Variants in FRMD3 observed in about 807,000 individuals in gnomAD.
The protein encoded by FRMD3 is FERM domain containing 3.
A neutral mutation model predicts 70.2 loss-of-function variants in FRMD3; 33 were observed. The observed-to-expected ratio is 0.47, with a 90% CI of 0.36 to 0.63. FRMD3 has a LOEUF of 0.63. Ranked by LOEUF, FRMD3 falls within the 20% of genes least tolerant of loss-of-function variation. The probability of loss-of-function intolerance (pLI) is 0.00; values close to 1 mark genes in which losing one functional copy is unlikely to be tolerated. For synonymous variants in FRMD3, 279 were observed against 255.9 expected (o/e 1.09, Z -0.86); for missense variants, 632 against 711.4 (o/e 0.89, Z 1.27).
intron 1 of FRMD3, among the ~76,000 whole-genome samples, chr9:83,409,103 T>C (rs1164133766): frequency 6.6e-6 from 1 of 152,166 alleles, no homozygotes; most frequent in Non-Finnish European, 1.5e-5. Flanking sequence ...GCAAAGGTTG[T>C]CCATCCCCAG....
At chr9:83,311,632 G>T (rs1175359413) in intron 8 of FRMD3, among the ~76,000 whole-genome samples, 1 of 152,052 alleles carries the variant, frequency 6.6e-6, no homozygotes, top group African/African-American at 2.4e-5. Flanking sequence ...AGAAGCTACT[G>T]GTGAGGAAAC....
intron 1 of FRMD3, among the ~76,000 whole-genome samples, chr9:83,431,071 C>T (rs577552497): frequency 6.6e-6 from 1 of 152,350 alleles, no homozygotes; most frequent in East Asian, 1.9e-4. Context: ...CTGAGCAAAA[C>T]ATCCTTTTAG....
chr9:83,474,320 T>A (rs1422899245), intron 1 of FRMD3, among the ~76,000 whole-genome samples: 1 of 152,248 alleles, frequency 6.6e-6, no homozygotes, highest in East Asian at 1.9e-4. Flanking sequence ...TTATTGTCTC[T>A]ATCATTTATT....
Position 83,443,590 on chromosome 9 carries a change from G to A in FRMD3, c.148-53882C>T, listed in dbSNP as rs138319724. On this transcript the variant is annotated intron_variant, in intron 1 of 13. Transcript: ENST00000304195. ...AGTCTTTGCTATTGTGAATAGTGCC[G>A]CAATAAACATACATGTGCATGTGTC... Among the ~76,000 whole-genome samples the A allele has an allele frequency of 3.5e-3, 529 of 152,232 alleles. 1 individual carries two copies. Among genetic ancestry groups the A allele is most frequent in the African/African-American group, 8.5e-3 (355 of 41,554 alleles).
At chr9:83,342,919 T>C (rs1189533682) in intron 5 of FRMD3, among the ~76,000 whole-genome samples, 1 of 152,160 alleles carries the variant, frequency 6.6e-6, no homozygotes, top group East Asian at 1.9e-4. Context: ...TCCAGCCCCT[T>C]TGAAAGAGAG....
At chr9:83,550,621 C>G in the FRMD3 span, among the ~76,000 whole-genome samples, 1 of 151,210 alleles carries the variant, frequency 6.6e-6, no homozygotes, top group South Asian at 2.1e-4. Flanking sequence ...CTGATTACTT[C>G]GAGCAGTGTT....
chr9:83,293,242 G>T (rs1294152180), intron 12 of FRMD3, among the ~76,000 whole-genome samples: 3 of 152,056 alleles, frequency 2.0e-5, no homozygotes, highest in Non-Finnish European at 2.9e-5. Context: ...TATTGTGAAG[G>T]GTTCTCAGTT....
intron 6 of FRMD3, among the ~76,000 whole-genome samples, chr9:83,334,617 C>A (rs1823515120): frequency 2.1e-5 from 3 of 142,326 alleles, no homozygotes; most frequent in Non-Finnish European, 1.6e-5. Flanking sequence ...TTGCTATTAC[C>A]AAAATGATTT....
At chr9:83,336,257 C>T (rs1337200717) in intron 5 of FRMD3, among the ~76,000 whole-genome samples, 1 of 151,998 alleles carries the variant, frequency 6.6e-6, no homozygotes, top group African/African-American at 2.4e-5. Context: ...TTTAGCCATT[C>T]CACAATGCAT....
At chr9:83,303,407 T>C (rs2131025023) in intron 10 of FRMD3, among the ~76,000 whole-genome samples, 1 of 152,278 alleles carries the variant, frequency 6.6e-6, no homozygotes, top group Admixed American at 6.5e-5. Flanking sequence ...TTTCAGTATT[T>C]AAAAAATCAT....
the FRMD3 span, among the ~76,000 whole-genome samples, chr9:83,568,570 T>C: frequency 5.8e-4 from 88 of 152,164 alleles, no homozygotes; most frequent in African/African-American, 2.1e-3. Context: ...ATCTTACTCA[T>C]GTGTGGAATC....
chr9:83,360,275 T>C (rs190745782), intron 3 of FRMD3, among the ~76,000 whole-genome samples: 77 of 152,284 alleles, frequency 5.1e-4, no homozygotes, highest in Admixed American at 2.4e-3. Flanking sequence ...TATGTAGAAA[T>C]AACAACTGTA....
At chr9:83,513,729 G>A (rs1263255786) in intron 1 of FRMD3, among the ~76,000 whole-genome samples, 2 of 152,190 alleles carry the variant, frequency 1.3e-5, no homozygotes, top group Admixed American at 6.5e-5. Context: ...CAACACAGAG[G>A]GTGGGTGATT....
intron 1 of FRMD3, among the ~76,000 whole-genome samples, chr9:83,416,771 C>G (rs910491454): frequency 1.4e-4 from 18 of 125,868 alleles, no homozygotes; most frequent in African/African-American, 6.0e-4. Context: ...CTCTCTCTCT[C>G]TCTCTCTCTC....
At chr9:83,462,718 G>A (rs1389074423) in intron 1 of FRMD3, among the ~76,000 whole-genome samples, 7 of 152,154 alleles carry the variant, frequency 4.6e-5, no homozygotes, top group African/African-American at 1.7e-4. Context: ...AGGAAGAGCT[G>A]CCATCTTCCA....
the FRMD3 span, among the ~76,000 whole-genome samples, chr9:83,569,220 C>T: frequency 4.6e-5 from 7 of 152,114 alleles, no homozygotes; most frequent in Admixed American, 1.3e-4. Context: ...TGCTCAGGTA[C>T]GATACTCTGC....
chr9:83,538,056 C>T lies in FRMD3; in HGVS notation c.147+29G>A, dbSNP rs1324669120. On this transcript the variant is annotated intron_variant, in intron 1 of 13. Coordinates refer to ENST00000304195, the MANE Select transcript of FRMD3 (RefSeq NM_174938.6). The surrounding 1 kb of genome is among the most constrained non-coding windows in gnomAD (Gnocchi z 4.7). ...CCCCCGCCCTGCTCCCGGCGTGTGC[C>T]CCGCGCCCTCGCCCGGTTCCACGCG... 2.5e-6 allele frequency: 4 copies of T among 1,607,994 alleles called. No homozygotes were observed. The highest frequency in any genetic ancestry group is 3.3e-5 in the Admixed American group (2 of 59,738).
At chr9:83,348,205 G>A (rs772970417) in intron 4 of FRMD3, among the ~76,000 whole-genome samples, 34 of 152,124 alleles carry the variant, frequency 2.2e-4, no homozygotes, top group Non-Finnish European at 5.9e-5. Context: ...AGCACCCTGA[G>A]GGCAGGAAAA....
At chr9:83,374,858 T>G in intron 2 of FRMD3, among the ~76,000 whole-genome samples, 2 of 152,142 alleles carry the variant, frequency 1.3e-5, no homozygotes, top group Non-Finnish European at 2.9e-5. Context: ...TTTCTAGAAA[T>G]AAATAAATAG....
Sources: gnomAD v4.1 joint callset for allele counts (sites outside exome capture counted in the v4.1 genomes callset) on GRCh38, gnomAD v4.1.1 for gene constraint, Gnocchi (gnomAD v3.1) non-coding constraint, MANE v1.5 for transcripts, NCBI Gene and HGNC (gene_info 2026-07-23, HGNC 2026-07-21) for gene names.